The following COL15A1 variants were observed in gnomAD, a reference collection of about 807,000 sequenced individuals.
COL15A1 encodes collagen type XV alpha 1 chain.
In COL15A1, 111 loss-of-function variants were observed where a neutral mutation model predicts 165.9. The ratio of observed to expected loss-of-function variants is 0.67; its 90% CI spans 0.57 to 0.78. The LOEUF is 0.78. Ranked by LOEUF, COL15A1 falls within the 30% of genes least tolerant of loss-of-function variation. COL15A1 has a pLI of 0.00. For missense variants in COL15A1, 1,745 were observed against 1,789.7 expected (o/e 0.98, Z 0.45); for synonymous variants, 659 against 674.8 (o/e 0.98, Z 0.36).
intron 16 of COL15A1, among the ~76,000 whole-genome samples, chr9:99,030,735 A>G (rs1269574321): frequency 2.0e-5 from 3 of 152,236 alleles, no homozygotes; most frequent in African/African-American, 4.8e-5. Context: ...TCAGCCGGCC[A>G]TGCAGCTACA....
In COL15A1 at chr9:99,047,803, A is replaced by G. The variant is rs1005412827; in HGVS notation, c.2697A>G (p.Pro899=). 8 of 1,614,150 alleles carry G rather than the reference A, an allele frequency of 5.0e-6. No individual in the cohort carries two copies. The South Asian group carries it at 7.7e-5, about 16-fold the overall frequency. Residue 899 remains proline, a synonymous_variant, in exon 27 of 42, where the codon CCA becomes CCG. Transcript: ENST00000375001. ...GCCTCTAGGGGCCCAAAGGACCACCAGGACATAAAGGAGAATTTGGCCTTC... is the reference window on the plus strand; with the variant it reads ...GCCTCTAGGGGCCCAAAGGACCACCGGGACATAAAGGAGAATTTGGCCTTC... ...APGPMGPKGP[P]GHKGEFGLPG...
rs191558858 is a variant in COL15A1 at position 99,045,238 on chromosome 9, C to A, written c.2679+468C>A. On this transcript the variant is annotated intron_variant, in intron 26 of 41. Coordinates refer to ENST00000375001, the MANE Select transcript of COL15A1 (RefSeq NM_001855.5). The stretch of plus-strand genomic sequence containing the variant: ...TGTCCAGGAAGGAGAGGTGCACTTG[C>A]AGTTATACCACAGAACTTGCCAGCT... Among the ~76,000 whole-genome samples, 433 of 152,334 alleles carry A rather than the reference C, an allele frequency of 2.8e-3. 1 individual carries two copies. The highest frequency in any genetic ancestry group is 4.5e-3 in the Non-Finnish European group (308 of 68,018).
intron 2 of COL15A1, among the ~76,000 whole-genome samples, chr9:98,972,749 G>A (rs980132848): frequency 1.3e-5 from 2 of 152,194 alleles, no homozygotes; most frequent in African/African-American, 4.8e-5. Flanking sequence ...CCATGTCTAA[G>A]CATATGAGAG....
rs67961829 is a variant in COL15A1, at chr9:99,066,599, G to GTTTTTTTTTTTTTTTTTTTTTT, written c.3652-279_3652-258dup. Among the ~76,000 whole-genome samples the GTTTTTTTTTTTTTTTTTTTTTT allele has an allele frequency of 6.1e-4, 43 of 71,034 alleles. 4 individuals carry two copies. Among genetic ancestry groups the GTTTTTTTTTTTTTTTTTTTTTT allele is most frequent in the East Asian group, 1.5e-3 (4 of 2,728 alleles). The allele number at this position is 71,034 out of a possible 152,430, so 46.6% of individuals were successfully genotyped here. On this transcript the variant is annotated intron_variant, in intron 39 of 41. Transcript: ENST00000375001. ...TTTGGTCCAAGCAATATTTTGTTCT[G>GTTTTTTTTTTTTTTTTTTTTTT]TTTTTTTTTTTTTTTTTTTTTTTTT...
intron 9 of COL15A1, among the ~76,000 whole-genome samples, chr9:99,013,987 CT>C (rs59143219): frequency 0.049 from 7,399 of 151,990 alleles, 387 homozygotes; most frequent in South Asian, 0.11. Flanking sequence ...TTTTTTTCCC[CT>C]CTCTTGCAGC....
At position 99,035,374 on chromosome 9, in the gene COL15A1, C is replaced by T. The variant is rs1839283258; in HGVS notation, c.2245C>T (p.Gln749Ter). 1 of 1,614,026 alleles carries T rather than the reference C, an allele frequency of 6.2e-7. No individual in the cohort carries two copies. Among genetic ancestry groups the T allele is most frequent in the African/African-American group, 1.3e-5 (1 of 74,916 alleles). ...FEDTEGSGST[Q>*]LLNEPKLSRP... ...GGATACCGAAGGCTCTGGAAGCACC[C>T]AGCTATTGAATGAACCCAAACTCTC... Residue 749 changes from glutamine (Q) to a stop codon, truncating the protein, a stop_gained, in exon 19 of 42, where the codon CAG becomes TAG. Transcript: ENST00000375001. LOFTEE classifies it high-confidence loss of function.
In COL15A1 at chr9:98,962,857, G is replaced by A. The variant is rs76542674; in HGVS notation, c.100+18607G>A. 9.1e-3 allele frequency among the ~76,000 whole-genome samples: 1,384 copies of A among 152,336 alleles called. 11 individuals carry two copies. Among genetic ancestry groups the A allele is most frequent in the East Asian group, 0.03 (157 of 5,180 alleles). On this transcript the variant is annotated intron_variant, in intron 2 of 41. Transcript: ENST00000375001. The stretch of plus-strand genomic sequence containing the variant: ...CCAAAGCTTTGGATTAGAACTGTCA[G>A]CTCCAAGAGGGAAGGAACTTGTCTA...
rs1285749281 is a variant in COL15A1 at position 99,069,851 on chromosome 9, A to G, written c.4132A>G (p.Ile1378Val). The change falls in exon 42 of 42, where the codon ATC (isoleucine) becomes GTC (valine). Residue 1378 changes from isoleucine to valine, a missense_variant. By Grantham distance (29) the Ile-to-Val change is conservative. Transcript: ENST00000375001. Reference sequence around the variant, plus strand: ...TGCTAATCGGCTAATTGTCCTATGTATCGAAAACAGTTTCATGACAGACGC... The same window carrying G: ...TGCTAATCGGCTAATTGTCCTATGTGTCGAAAACAGTTTCATGACAGACGC... ...SCANRLIVLC[I>V]ENSFMTDARK The G allele has an allele frequency of 6.2e-7, 1 of 1,613,596 alleles. No individual in the cohort carries two copies. The highest frequency in any genetic ancestry group is 8.5e-7 in the Non-Finnish European group (1 of 1,179,496).
chr9:99,056,431 T>C (rs1825721320), intron 35 of COL15A1, 27 bp downstream of exon 35: 23 of 1,586,212 alleles, frequency 1.5e-5, no homozygotes, highest in Non-Finnish European at 2.0e-5. Flanking sequence ...GTGCCCTTGT[T>C]CATGCTGTCC....
chr9:99,059,950 C>A lies in COL15A1; in HGVS notation c.3399C>A (p.Asn1133Lys). The A allele has an allele frequency of 6.2e-7, 1 of 1,613,910 alleles. No homozygotes were observed. Among genetic ancestry groups the A allele is most frequent in the Non-Finnish European group, 8.5e-7 (1 of 1,179,902 alleles). ...AGCCAGGGCTTCCCGGATCCAGAAA[C>A]CTGGTCAGTATTATCATCAGTGTGT... ...PGQPGLPGSR[N>K]LVTAFSNMDD... is the part of the protein sequence containing the mutation. The change falls in exon 36 of 42, where the codon AAC becomes AAA. Residue 1133 changes from asparagine (N) to lysine (K), a missense_variant. Coordinates refer to ENST00000375001, the MANE Select transcript of COL15A1 (RefSeq NM_001855.5).
At chr9:98,989,739 A>C (rs1364844764) in intron 5 of COL15A1, among the ~76,000 whole-genome samples, 1 of 152,200 alleles carries the variant, frequency 6.6e-6, no homozygotes, top group African/African-American at 2.4e-5. Context: ...TCAGTGCTCC[A>C]GCTGTGAAAG....
At chr9:99,055,677 A>G (rs1188575635) in intron 34 of COL15A1, among the ~76,000 whole-genome samples, 2 of 152,238 alleles carry the variant, frequency 1.3e-5, no homozygotes, top group African/African-American at 4.8e-5. Context: ...TGAATGCATC[A>G]GATAACAGAA....
At chr9:99,028,449 A>G (rs1839164487) in intron 16 of COL15A1, among the ~76,000 whole-genome samples, 1 of 152,054 alleles carries the variant, frequency 6.6e-6, no homozygotes, top group African/African-American at 2.4e-5. Flanking sequence ...TCAGGAGTTC[A>G]AGACCAGCCT....
chr9:98,984,729 C>CT (rs1838281563), intron 2 of COL15A1, among the ~76,000 whole-genome samples: 1 of 152,194 alleles, frequency 6.6e-6, no homozygotes, highest in Non-Finnish European at 1.5e-5. Context: ...CTGATTTTCC[C>CT]TGCACACTCA....
chr9:99,062,204 T>C, intron 37 of COL15A1, 41 bp from the exon 38 acceptor site: 1 of 1,603,396 alleles, frequency 6.2e-7, no homozygotes, highest in Non-Finnish European at 8.5e-7. Flanking sequence ...GGGAGAAGTT[T>C]GTAATTGATC....
At chr9:99,037,935 A>C (rs1196209660) in intron 21 of COL15A1, among the ~76,000 whole-genome samples, 4 of 152,070 alleles carry the variant, frequency 2.6e-5, no homozygotes, top group Non-Finnish European at 1.5e-5. Context: ...GTGTGTAGAG[A>C]ATGATGGAAA....
chr9:99,034,022 G>T (rs1206212097), intron 16 of COL15A1, among the ~76,000 whole-genome samples: 2 of 152,116 alleles, frequency 1.3e-5, no homozygotes, highest in Non-Finnish European at 2.9e-5. Context: ...CATGCAACCT[G>T]CCCTAATGCA....
At chr9:98,993,449 GC>G (rs1252072846) in intron 5 of COL15A1, among the ~76,000 whole-genome samples, 2 of 152,184 alleles carry the variant, frequency 1.3e-5, no homozygotes, top group African/African-American at 4.8e-5. Flanking sequence ...GTGCCTCGAG[GC>G]CTGATGGTCC....
chr9:98,979,757 G>T (rs1295441300), intron 2 of COL15A1, among the ~76,000 whole-genome samples: 3 of 152,004 alleles, frequency 2.0e-5, no homozygotes, highest in Admixed American at 2.0e-4. Context: ...CTGTTTTAAA[G>T]CAAGTTGTAA....
Sources: gnomAD v4.1 joint callset for allele counts (sites outside exome capture counted in the v4.1 genomes callset) on GRCh38, gnomAD v4.1.1 for gene constraint, MANE v1.5 for transcripts, NCBI Gene and HGNC (gene_info 2026-07-23, HGNC 2026-07-21) for gene names.